NOVA1: variants seen among roughly 807,000 people sequenced by gnomAD.
NOVA1 encodes the protein NOVA alternative splicing regulator 1.
A neutral mutation model predicts 38.0 loss-of-function variants in NOVA1; 7 were observed. That is an observed-to-expected ratio of 0.18 (90% CI 0.10 to 0.35). The LOEUF is 0.35. Ranked by LOEUF, NOVA1 falls within the 10% of genes least tolerant of loss-of-function variation. NOVA1 has a pLI of 1.00. For missense variants in NOVA1, 460 were observed against 616.0 expected (o/e 0.75, Z 2.68); for synonymous variants, 270 against 232.5 (o/e 1.16, Z -1.47).
intron 2 of NOVA1, among the ~76,000 whole-genome samples, chr14:26,572,823 G>GA (rs1439024317): frequency 3.3e-5 from 5 of 151,300 alleles, no homozygotes; most frequent in Middle Eastern, 3.4e-3. Flanking sequence ...ACCTGTGGAA[G>GA]AAGTAACATG....
At chr14:26,549,807 G>A (rs1259848448) in intron 2 of NOVA1, 4 of 1,197,430 alleles carry the variant, frequency 3.3e-6, no homozygotes, top group South Asian at 1.3e-5. Flanking sequence ...CTGTTAAACA[G>A]TTGCTGCGTT....
chr14:26,565,834 A>G (rs1395620806), intron 2 of NOVA1, among the ~76,000 whole-genome samples: 2 of 152,190 alleles, frequency 1.3e-5, no homozygotes, highest in African/African-American at 4.8e-5. Context: ...GAAAAAAGCA[A>G]GAGAATGCAA....
At chr14:26,555,214 A>C (rs1186894113) in intron 2 of NOVA1, among the ~76,000 whole-genome samples, 1 of 152,112 alleles carries the variant, frequency 6.6e-6, no homozygotes, top group Non-Finnish European at 1.5e-5. Context: ...TCTTCCCCTA[A>C]ATGGAATCAT....
Position 26,523,407 on chromosome 14 carries a change from A to G in NOVA1, c.281-43264T>C, listed in dbSNP as rs375612877. ...TCACACTGCATGGTTCCTTAAAACCATAACATTAGAAGCTCACATTCTCTT... is the reference window on the plus strand; with the variant it reads ...TCACACTGCATGGTTCCTTAAAACCGTAACATTAGAAGCTCACATTCTCTT... On this transcript the variant is annotated intron_variant, in intron 2 of 4. Transcript: ENST00000539517. Among the ~76,000 whole-genome samples the G allele has an allele frequency of 1.8e-4, 28 of 152,362 alleles. No individual in the cohort carries two copies. The Middle Eastern group carries it at 0.01, about 56-fold the overall frequency.
chr14:26,530,432 G>A (rs902048831), intron 2 of NOVA1, among the ~76,000 whole-genome samples: 1 of 152,000 alleles, frequency 6.6e-6, no homozygotes, highest in Non-Finnish European at 1.5e-5. Context: ...GTTCATTTAG[G>A]CTTACAAAGA....
At chr14:26,596,936 G>A in intron 1 of NOVA1, 3 of 1,192,398 alleles carry the variant, frequency 2.5e-6, no homozygotes, top group South Asian at 1.9e-5. Context: ...ATCTTCGGGC[G>A]GCCATCACCT....
chr14:26,452,005 T>C (rs1387314642), intron 4 of NOVA1, among the ~76,000 whole-genome samples: 1 of 152,134 alleles, frequency 6.6e-6, no homozygotes, highest in Non-Finnish European at 1.5e-5. Flanking sequence ...ATATATAGCA[T>C]TTTCTAACTT....
intron 4 of NOVA1, among the ~76,000 whole-genome samples, chr14:26,460,945 C>G (rs1883609966): frequency 6.6e-6 from 1 of 152,078 alleles, no homozygotes; most frequent in South Asian, 2.1e-4. Context: ...TACACACACA[C>G]ACAAAGCAAG....
chr14:26,542,256 C>G (rs560412625), intron 2 of NOVA1, among the ~76,000 whole-genome samples: 3 of 151,920 alleles, frequency 2.0e-5, no homozygotes, highest in South Asian at 2.1e-4. Context: ...TCTTAGTATA[C>G]CATCTGTACT....
rs983062892 is a variant in NOVA1 at position 26,511,608 on chromosome 14, T to C, written c.281-31465A>G. Among the ~76,000 whole-genome samples the C allele has an allele frequency of 4.0e-5, 6 of 151,812 alleles. No homozygotes were observed. In the East Asian group the frequency reaches 7.8e-4, roughly 20 times the overall value. ...CTCTACTAAAAATACAAAAATTAGC[T>C]GGGCGTGGTGGTGCATGCCTGCAGT... On this transcript the variant is annotated intron_variant, in intron 2 of 4. Coordinates refer to ENST00000539517, the MANE Select transcript of NOVA1 (RefSeq NM_002515.3).
intron 2 of NOVA1, among the ~76,000 whole-genome samples, chr14:26,483,457 A>G (rs1330855057): frequency 2.0e-5 from 3 of 152,208 alleles, no homozygotes; most frequent in Non-Finnish European, 2.9e-5. Flanking sequence ...TGCAAACCTA[A>G]TGACAAAATT....
chr14:26,549,172 A>C (rs894089852), intron 2 of NOVA1, among the ~76,000 whole-genome samples: 7 of 152,030 alleles, frequency 4.6e-5, no homozygotes, highest in Admixed American at 2.0e-4. Context: ...AATTAAAAAT[A>C]AAAATAAAAA....
rs1347232240 is a variant in NOVA1, at chr14:26,444,952, A to C, written c.*3007T>G. 2.0e-5 allele frequency: 3 copies of C among 152,138 alleles called. No individual in the cohort carries two copies. The highest frequency in any genetic ancestry group is 2.9e-5 in the Non-Finnish European group (2 of 68,014). 9.4% of individuals were successfully genotyped at this position (152,138 alleles called of 1,614,324 possible). On this transcript the variant is annotated 3_prime_UTR_variant, in exon 5 of 5. Transcript: ENST00000539517. Reference sequence around the variant, plus strand: ...CCCAGTGTTGAGGAAAAGATCTTGGATCTAGAATGAGGTGTCCAATCTGTA... The same window carrying C: ...CCCAGTGTTGAGGAAAAGATCTTGGCTCTAGAATGAGGTGTCCAATCTGTA...
intron 2 of NOVA1, among the ~76,000 whole-genome samples, chr14:26,500,434 G>C (rs1019220067): frequency 6.6e-6 from 1 of 151,668 alleles, no homozygotes; most frequent in Non-Finnish European, 1.5e-5. Context: ...GCCATCCCAG[G>C]AAAAGAGAAC....
chr14:26,549,291 T>G (rs1027893987), intron 2 of NOVA1: 1 of 150,866 alleles, frequency 6.6e-6, no homozygotes, highest in Non-Finnish European at 1.5e-5. Flanking sequence ...CATAAAACAC[T>G]GGAAGCAAGG....
intron 2 of NOVA1, among the ~76,000 whole-genome samples, chr14:26,537,445 G>C (rs893128503): frequency 6.6e-6 from 1 of 151,908 alleles, no homozygotes; most frequent in African/African-American, 2.4e-5. Context: ...GATCTCAAAT[G>C]GAAAGTTTTT....
chr14:26,448,130 A>G lies in NOVA1; in HGVS notation c.1353T>C (p.Thr451=). The change falls in exon 5 of 5, where the codon ACT becomes ACC. Residue 451 remains threonine, a synonymous_variant. Coordinates refer to ENST00000539517, the MANE Select transcript of NOVA1 (RefSeq NM_002515.3). This position sits in a 1 kb window ranked among gnomAD's most constrained non-coding sequence, Gnocchi z 5.3. ...GKTLVEYQEL[T]GARIQISKKG... Reference sequence around the variant, plus strand: ...TTTTGGAGATCTGTATCCTTGCACCAGTCAACTCCTGGTATTCCACTAATG... The same window carrying G: ...TTTTGGAGATCTGTATCCTTGCACCGGTCAACTCCTGGTATTCCACTAATG... 6.2e-7 allele frequency: 1 copy of G among 1,614,212 alleles called. No individual in the cohort carries two copies. Among genetic ancestry groups the G allele is most frequent in the Non-Finnish European group, 8.5e-7 (1 of 1,180,016 alleles).
chr14:26,466,364 G>A (rs2138227860), intron 4 of NOVA1, among the ~76,000 whole-genome samples: 1 of 152,290 alleles, frequency 6.6e-6, no homozygotes, highest in South Asian at 2.1e-4. Context: ...AAAGGAACAG[G>A]TTAGGGGTAG....
At chr14:26,476,429 T>C (rs1884990787) in intron 3 of NOVA1, among the ~76,000 whole-genome samples, 1 of 152,214 alleles carries the variant, frequency 6.6e-6, no homozygotes, top group Admixed American at 6.5e-5. Context: ...CCAAGGTTTT[T>C]CATTATCTGG....
Sources: allele counts gnomAD v4.1 joint callset (sites outside exome capture counted in the v4.1 genomes callset), GRCh38; gene constraint gnomAD v4.1.1; non-coding constraint Gnocchi (gnomAD v3.1); transcripts MANE v1.5; gene names NCBI Gene and HGNC (gene_info 2026-07-23, HGNC 2026-07-21).